The following RERE variants were observed in gnomAD, a reference collection of about 807,000 sequenced individuals.
RERE encodes arginine-glutamic acid dipeptide repeats.
In RERE, 40 loss-of-function variants were observed where a neutral mutation model predicts 146.1. The observed-to-expected ratio is 0.27, with a 90% CI of 0.21 to 0.36. RERE has a LOEUF of 0.36. Ranked by LOEUF, RERE falls within the 10% of genes least tolerant of loss-of-function variation. The pLI is 1.00. For synonymous variants in RERE, 1,003 were observed against 866.0 expected, an observed-to-expected ratio of 1.16 and a Z score of -2.78; for missense variants, 1,933 against 2,138.7, an observed-to-expected ratio of 0.90 and a Z score of 1.90.
chr1:8,378,010 T>A (rs1642318351), intron 12 of RERE, among the ~76,000 whole-genome samples: 1 of 152,194 alleles, frequency 6.6e-6, no homozygotes, highest in Non-Finnish European at 1.5e-5. Flanking sequence ...TATTTTATGG[T>A]TTTTATGGAT....
rs1025670979 is a variant in RERE, at chr1:8,520,987, T to TA, written c.831-12313dup. Among the ~76,000 whole-genome samples the TA allele has an allele frequency of 7.9e-5, 12 of 151,822 alleles. No homozygotes were observed. In the South Asian group the frequency reaches 8.3e-4, roughly 11 times the overall value. ...TCTTTGTCCCCTCAGGGAAATGTTA[T>TA]AAAAAAACATGACAATTGCCTTATT... On this transcript the variant is annotated intron_variant, in intron 7 of 22. Coordinates refer to ENST00000400908, the MANE Select transcript of RERE (RefSeq NM_001042681.2).
At chr1:8,380,577 G>C in intron 12 of RERE, 3 of 326,382 alleles carry the variant, frequency 9.2e-6, no homozygotes, top group South Asian at 7.2e-5. Flanking sequence ...TCAAACTCCT[G>C]ATCTCGTGAT....
At chr1:8,429,504 T>C (rs971026475) in intron 11 of RERE, among the ~76,000 whole-genome samples, 1 of 152,202 alleles carries the variant, frequency 6.6e-6, no homozygotes, top group Non-Finnish European at 1.5e-5. Flanking sequence ...TCTGGCGTCA[T>C]CCCAGGTGCT....
chr1:8,785,630 G>GC (rs1641245669), intron 1 of RERE, among the ~76,000 whole-genome samples: 1 of 152,102 alleles, frequency 6.6e-6, no homozygotes, highest in Admixed American at 6.6e-5. Flanking sequence ...GCCTTGAGCT[G>GC]CTTTTTTTTG....
intron 10 of RERE, among the ~76,000 whole-genome samples, chr1:8,489,410 G>A (rs528041421): frequency 6.0e-5 from 9 of 151,242 alleles, no homozygotes; most frequent in African/African-American, 9.7e-5. Flanking sequence ...AAAAAGTCAT[G>A]GTATGGGACA....
chr1:8,761,858 G>A (rs1640762902), intron 1 of RERE, among the ~76,000 whole-genome samples: 2 of 152,112 alleles, frequency 1.3e-5, no homozygotes, highest in African/African-American at 4.8e-5. Context: ...AGAGGCGGAG[G>A]TTGCAGTGAG....
chr1:8,708,004 A>G (rs1309941981), intron 1 of RERE, among the ~76,000 whole-genome samples: 1 of 152,224 alleles, frequency 6.6e-6, no homozygotes. Context: ...ATCAAATTTT[A>G]TCATAGGTAG....
intron 8 of RERE, among the ~76,000 whole-genome samples, chr1:8,503,586 G>A (rs1645210542): frequency 6.6e-6 from 1 of 152,138 alleles, no homozygotes; most frequent in African/African-American, 2.4e-5. Flanking sequence ...CTGCTATGAG[G>A]AGAACACAAG....
At chr1:8,635,050 T>A (rs1364483583) in intron 2 of RERE, among the ~76,000 whole-genome samples, 1 of 152,222 alleles carries the variant, frequency 6.6e-6, no homozygotes. Context: ...AAAGATACTT[T>A]AAGAATAATT....
At chr1:8,427,873 G>A (rs1644038724) in intron 11 of RERE, among the ~76,000 whole-genome samples, 1 of 152,140 alleles carries the variant, frequency 6.6e-6, no homozygotes, top group Admixed American at 6.5e-5. Context: ...TGTTGCGGCT[G>A]TCTCCTTTCC....
intron 1 of RERE, among the ~76,000 whole-genome samples, chr1:8,755,166 C>T (rs753162565): frequency 6.6e-6 from 1 of 152,192 alleles, no homozygotes; most frequent in African/African-American, 2.4e-5. Context: ...ACATAAAAGG[C>T]GGCTGACTGT....
intron 1 of RERE, among the ~76,000 whole-genome samples, chr1:8,670,208 G>C (rs1570589470): frequency 1.3e-5 from 2 of 152,192 alleles, no homozygotes; most frequent in South Asian, 4.1e-4. Flanking sequence ...AGAGCCACTA[G>C]AACAACTCAA....
chr1:8,608,834 C>G (rs572606159), intron 4 of RERE, among the ~76,000 whole-genome samples: 1 of 152,064 alleles, frequency 6.6e-6, no homozygotes, highest in Non-Finnish European at 1.5e-5. Flanking sequence ...GCCTGTAATC[C>G]CAACACTTTG....
At chr1:8,446,712 T>C (rs1179128492) in intron 11 of RERE, among the ~76,000 whole-genome samples, 2 of 152,170 alleles carry the variant, frequency 1.3e-5, no homozygotes, top group Non-Finnish European at 2.9e-5. Context: ...TCTCGCTCTG[T>C]CACCCAGGCT....
chr1:8,358,763 C>T lies in RERE; in HGVS notation c.3772G>A (p.Glu1258Lys), dbSNP rs1346189086. ...PDTPALRTLSEYARPHVMSPT... is the reference protein window; with the variant it reads ...PDTPALRTLSKYARPHVMSPT... ...GACATGACGTGGGGCCGGGCGTACT[C>T]GCTCAGAGTCCGAAGGGCAGGTGTG... The change falls in exon 20 of 23, where the codon GAG becomes AAG. Residue 1258 changes from glutamate to lysine, a missense_variant. Glu to Lys is a moderately conservative substitution (Grantham distance 56, BLOSUM62 1). Coordinates refer to ENST00000400908, the MANE Select transcript of RERE (RefSeq NM_001042681.2). 5 of 1,612,024 alleles carry T rather than the reference C, an allele frequency of 3.1e-6. No individual in the cohort carries two copies. Among genetic ancestry groups the T allele is most frequent in the South Asian group, 1.1e-5 (1 of 90,804 alleles).
At chr1:8,431,579 A>G (rs1453980561) in intron 11 of RERE, among the ~76,000 whole-genome samples, 1 of 152,188 alleles carries the variant, frequency 6.6e-6, no homozygotes, top group Non-Finnish European at 1.5e-5. Flanking sequence ...CCCTCAGCCC[A>G]TGGAAAAGCT....
chr1:8,443,721 C>T (rs1258559008), intron 11 of RERE, among the ~76,000 whole-genome samples: 3 of 152,188 alleles, frequency 2.0e-5, no homozygotes, highest in Non-Finnish European at 4.4e-5. Flanking sequence ...CTTTGGGACA[C>T]TGCTTCCCAC....
chr1:8,468,631 T>C (rs142339739), intron 10 of RERE, among the ~76,000 whole-genome samples: 1 of 152,322 alleles, frequency 6.6e-6, no homozygotes, highest in African/African-American at 2.4e-5. Context: ...CTCACACCTG[T>C]AAGCCCAACA....
chr1:8,780,006 C>T (rs1458859009), intron 1 of RERE, among the ~76,000 whole-genome samples: 1 of 152,102 alleles, frequency 6.6e-6, no homozygotes, highest in Non-Finnish European at 1.5e-5. Flanking sequence ...GCACGGCCAA[C>T]TTGGTGAAAC....
Sources: allele counts gnomAD v4.1 joint callset (sites outside exome capture counted in the v4.1 genomes callset), GRCh38; gene constraint gnomAD v4.1.1; transcripts MANE v1.5; gene names NCBI Gene and HGNC (gene_info 2026-07-23, HGNC 2026-07-21).